PTPRR: variants seen among roughly 807,000 people sequenced by gnomAD.
PTPRR encodes protein tyrosine phosphatase receptor type R.
In PTPRR, 38 loss-of-function variants were observed where a neutral mutation model predicts 77.2. That is an observed-to-expected ratio of 0.49 (90% confidence interval 0.38 to 0.65). The LOEUF is 0.65. Among genes scored for constraint, PTPRR ranks in the 30% least tolerant of loss-of-function variants. The probability of loss-of-function intolerance (pLI) is 0.00; values close to 1 mark genes in which losing one functional copy is unlikely to be tolerated. For synonymous variants in PTPRR, 299 were observed against 283.1 expected, an observed-to-expected ratio of 1.06 and a Z score of -0.57; for missense variants, 744 against 799.2, an observed-to-expected ratio of 0.93 and a Z score of 0.83.
chr12:70,815,374 A>T (rs1891885049), intron 2 of PTPRR, among the ~76,000 whole-genome samples: 1 of 152,112 alleles, frequency 6.6e-6, no homozygotes, highest in Non-Finnish European at 1.5e-5. Context: ...GGTGGGGGGG[A>T]GTTCTTAAGT....
At chr12:70,918,303 GTGA>G (rs1893804205) in intron 1 of PTPRR, among the ~76,000 whole-genome samples, 1 of 152,178 alleles carries the variant, frequency 6.6e-6, no homozygotes, top group Non-Finnish European at 1.5e-5. Context: ...ACAATCTGCT[GTGA>G]TAAAACACCA....
intron 13 of PTPRR, among the ~76,000 whole-genome samples, chr12:70,649,461 G>A (rs10506601): frequency 0.061 from 9,359 of 152,188 alleles, 454 homozygotes; most frequent in Admixed American, 0.15. Flanking sequence ...ATAGAGGAAG[G>A]CCTGTGAAGC....
At chr12:70,731,700 C>G (rs1889668346) in intron 6 of PTPRR, among the ~76,000 whole-genome samples, 1 of 152,222 alleles carries the variant, frequency 6.6e-6, no homozygotes, top group Non-Finnish European at 1.5e-5. Flanking sequence ...CTAGAATCAA[C>G]TGGATGTTTT....
rs552709625 is a variant in PTPRR, at chr12:70,820,402, C to T, written c.358-55624G>A. Among the ~76,000 whole-genome samples the T allele has an allele frequency of 8.9e-4, 135 of 152,148 alleles. 1 individual carries two copies. Among genetic ancestry groups the T allele is most frequent in the African/African-American group, 2.9e-3 (121 of 41,424 alleles). On this transcript the variant is annotated intron_variant, in intron 2 of 13. Transcript: ENST00000283228. ...TGGAGTGAGTGCAGTGGCGCGATCT[C>T]GGCTCACTGCAAGCTCCGCTTCCCG...
chr12:70,853,287 C>T (rs951941383), intron 2 of PTPRR, among the ~76,000 whole-genome samples: 1 of 152,204 alleles, frequency 6.6e-6, no homozygotes, highest in East Asian at 1.9e-4. Flanking sequence ...ATTAAATAAT[C>T]TGTTCATGTC....
rs1478780142 is a variant in PTPRR at position 70,656,784 on chromosome 12, A to G, written c.1800T>C (p.Ala600=). 1.2e-6 allele frequency: 2 copies of G among 1,613,700 alleles called. No homozygotes were observed. The highest frequency in any genetic ancestry group is 1.7e-6 in the Non-Finnish European group (2 of 1,179,886). Residue 600 remains alanine (A), a synonymous_variant, in exon 13 of 14, where the codon GCT becomes GCC. Coordinates refer to ENST00000283228, the MANE Select transcript of PTPRR (RefSeq NM_002849.4). ...AGIGRTGCFI[A]TSIGCQQLKE... The stretch of plus-strand genomic sequence containing the variant: ...TCAGCTGTTGACAGCCAATGGATGT[A>G]GCAATAAAACACCCTGTTCTACCTA...
chr12:70,639,306 A>C (rs758512872), intron 13 of PTPRR, 29 bp from the exon 14 acceptor site: 3 of 1,604,828 alleles, frequency 1.9e-6, no homozygotes, highest in Non-Finnish European at 2.5e-6. Context: ...AAAATAACTG[A>C]TTTTGCTAAA....
chr12:70,798,698 G>A (rs1209697512), intron 2 of PTPRR, among the ~76,000 whole-genome samples: 2 of 152,080 alleles, frequency 1.3e-5, no homozygotes, highest in East Asian at 1.9e-4. Context: ...TGACTTAAAT[G>A]TTCATTTTCA....
chr12:70,733,441 A>AAAAAG lies in PTPRR; in HGVS notation c.1007+12372_1007+12376dup, dbSNP rs1215669709. Among the ~76,000 whole-genome samples the AAAAAG allele has an allele frequency of 9.6e-5, 9 of 94,130 alleles. 1 individual carries two copies. Among genetic ancestry groups the AAAAAG allele is most frequent in the African/African-American group, 3.2e-4 (8 of 24,920 alleles). The allele number at this position is 94,130 out of a possible 152,430, so 61.8% of individuals were successfully genotyped here. Reference sequence around the variant, plus strand: ...ACAAACAACAACAAAAAAAAAAAAAAAAAAGAAAGAAAAAAAGAAAAATTA... The same window carrying AAAAAG: ...ACAAACAACAACAAAAAAAAAAAAAAAAAAGAAAAGAAAGAAAAAAAGAAAAATTA... On this transcript the variant is annotated intron_variant, in intron 6 of 13. Transcript: ENST00000283228.
intron 13 of PTPRR, among the ~76,000 whole-genome samples, chr12:70,654,311 C>T (rs1179089155): frequency 2.0e-5 from 3 of 152,172 alleles, no homozygotes; most frequent in South Asian, 2.1e-4. Flanking sequence ...GGCACGGTGG[C>T]TCACACCTAC....
intron 2 of PTPRR, among the ~76,000 whole-genome samples, chr12:70,821,213 C>CTCTTTTTTTTTTTTTTTTTTTTT: frequency 3.1e-5 from 1 of 31,972 alleles, no homozygotes; most frequent in Non-Finnish European, 6.1e-5. Context: ...GGGATCACTG[C>CTCTTTTTTTTTTTTTTTTTTTTT]TTTTTTTTTT....
At chr12:70,772,471 T>C (rs934336288) in intron 2 of PTPRR, among the ~76,000 whole-genome samples, 2 of 152,206 alleles carry the variant, frequency 1.3e-5, no homozygotes, top group Admixed American at 1.3e-4. Context: ...CTCTATTTTG[T>C]ACCTGCAAGT....
chr12:70,640,343 AT>A (rs113167993), intron 13 of PTPRR, among the ~76,000 whole-genome samples: 2 of 150,170 alleles, frequency 1.3e-5, no homozygotes, highest in African/African-American at 2.4e-5. Context: ...CAATTTTTAA[AT>A]TTTTTTTTTC....
intron 3 of PTPRR, among the ~76,000 whole-genome samples, chr12:70,762,168 G>A (rs1207257542): frequency 6.6e-6 from 1 of 152,032 alleles, no homozygotes; most frequent in African/African-American, 2.4e-5. Flanking sequence ...TTTAAAATTG[G>A]TCATTTGGTG....
At chr12:70,757,641 A>G (rs1169175424) in intron 4 of PTPRR, among the ~76,000 whole-genome samples, 1 of 152,180 alleles carries the variant, frequency 6.6e-6, no homozygotes, top group Non-Finnish European at 1.5e-5. Context: ...AGCATATGAA[A>G]AAACAATAAA....
At chr12:70,763,687 TTTAAGGCTGGGGGAACATG>T (rs1890745067) in intron 3 of PTPRR, among the ~76,000 whole-genome samples, 2 of 152,122 alleles carry the variant, frequency 1.3e-5, no homozygotes, top group African/African-American at 4.8e-5. Context: ...AGCACAGCAA[TTTAAGGCTGGGGGAACATG>T]GAGTCCTTGC....
chr12:70,720,864 T>C (rs1381035950), intron 6 of PTPRR, among the ~76,000 whole-genome samples: 2 of 152,162 alleles, frequency 1.3e-5, no homozygotes, highest in African/African-American at 4.8e-5. Context: ...ATAATCTTAT[T>C]TCACCCCACT....
At chr12:70,669,262 G>A (rs1887121719) in intron 10 of PTPRR, among the ~76,000 whole-genome samples, 1 of 151,844 alleles carries the variant, frequency 6.6e-6, no homozygotes, top group Non-Finnish European at 1.5e-5. Flanking sequence ...CCAGCCAGAA[G>A]TCTCCAACAT....
chr12:70,903,293 T>C (rs1276203894), intron 1 of PTPRR, among the ~76,000 whole-genome samples: 1 of 151,800 alleles, frequency 6.6e-6, no homozygotes, highest in Non-Finnish European at 1.5e-5. Context: ...AGGTGATAAA[T>C]ATGTTAATTG....
Sources: gnomAD v4.1 joint callset for allele counts (sites outside exome capture counted in the v4.1 genomes callset) on GRCh38, gnomAD v4.1.1 for gene constraint, MANE v1.5 for transcripts, NCBI Gene and HGNC (gene_info 2026-07-23, HGNC 2026-07-21) for gene names.